The following PARD3B variants were observed in gnomAD, a reference collection of about 807,000 sequenced individuals.
PARD3B encodes the protein par-3 family cell polarity regulator beta.
PARD3B carries 103 observed loss-of-function variants against 130.2 expected under a neutral mutation model. That is an observed-to-expected ratio of 0.79 (90% CI 0.67 to 0.93). The LOEUF is 0.93. Among genes scored for constraint, PARD3B ranks in the 40% least tolerant of loss-of-function variants. The probability of loss-of-function intolerance (pLI) is 0.00; values close to 1 mark genes in which losing one functional copy is unlikely to be tolerated. For missense variants in PARD3B, 1,609 were observed against 1,499.2 expected, an observed-to-expected ratio of 1.07 and a Z score of -1.21; for synonymous variants, 583 against 553.2, an observed-to-expected ratio of 1.05 and a Z score of -0.76.
chr2:204,636,288 G>T (rs1340458420), intron 1 of PARD3B, among the ~76,000 whole-genome samples: 1 of 151,968 alleles, frequency 6.6e-6, no homozygotes, highest in African/African-American at 2.4e-5. Flanking sequence ...CCTTTGATGG[G>T]ACCTAATTTC....
intron 10 of PARD3B, among the ~76,000 whole-genome samples, chr2:205,138,364 T>C (rs1349770655): frequency 1.3e-5 from 2 of 152,174 alleles, no homozygotes; most frequent in South Asian, 2.1e-4. Flanking sequence ...TTCTCTCTTA[T>C]GCTGGACACC....
intron 10 of PARD3B, among the ~76,000 whole-genome samples, chr2:205,132,736 T>G (rs1234745489): frequency 6.6e-6 from 1 of 152,208 alleles, no homozygotes; most frequent in Non-Finnish European, 1.5e-5. Context: ...CTTTGCAATT[T>G]CATTTAGCCT....
intron 2 of PARD3B, among the ~76,000 whole-genome samples, chr2:204,761,946 A>G (rs575965364): frequency 4.3e-4 from 66 of 152,122 alleles, no homozygotes; most frequent in African/African-American, 1.5e-3. Context: ...TCAATTTCAA[A>G]AATCAGCTTT....
At chr2:204,885,314 T>G (rs1271976409) in intron 2 of PARD3B, among the ~76,000 whole-genome samples, 1 of 152,242 alleles carries the variant, frequency 6.6e-6, no homozygotes, top group Non-Finnish European at 1.5e-5. Context: ...TGCCCACTTT[T>G]TAATGGGGTT....
chr2:205,272,076 T>G lies in PARD3B; in HGVS notation c.2185+26254T>G, dbSNP rs576766836. 3.7e-3 allele frequency among the ~76,000 whole-genome samples: 564 copies of G among 151,754 alleles called. 2 individuals are homozygous for G. Among genetic ancestry groups the G allele is most frequent in the African/African-American group, 0.013 (534 of 41,342 alleles). On this transcript the variant is annotated intron_variant, in intron 16 of 22. Coordinates refer to ENST00000406610, the MANE Select transcript of PARD3B (RefSeq NM_001302769.2). ...AGGAGGCTGAGGCAGGAGAATCGTT[T>G]GAACCCGGGAGGCAGAGTTTCCAGT... is the stretch of plus-strand genomic sequence containing the variant.
chr2:204,662,050 A>G (rs893733113), intron 1 of PARD3B, among the ~76,000 whole-genome samples: 2 of 152,224 alleles, frequency 1.3e-5, no homozygotes, highest in African/African-American at 4.8e-5. Context: ...AAATGAAACA[A>G]TATCAATGAA....
chr2:204,563,575 G>T (rs997764278), intron 1 of PARD3B, among the ~76,000 whole-genome samples: 2 of 151,636 alleles, frequency 1.3e-5, no homozygotes, highest in Admixed American at 6.6e-5. Flanking sequence ...TTATATTTTT[G>T]CTCCAAAATA....
intron 1 of PARD3B, among the ~76,000 whole-genome samples, chr2:204,663,736 G>A (rs1291779834): frequency 1.3e-5 from 2 of 152,134 alleles, no homozygotes; most frequent in East Asian, 1.9e-4. Flanking sequence ...GATTAATCTC[G>A]TTTTGTAGAT....
chr2:204,826,122 C>G (rs2043561094), intron 2 of PARD3B, among the ~76,000 whole-genome samples: 1 of 152,150 alleles, frequency 6.6e-6, no homozygotes, highest in African/African-American at 2.4e-5. Flanking sequence ...AGAGGAGCCT[C>G]TGAAATTACC....
chr2:204,999,712 A>G (rs188734090), intron 3 of PARD3B, among the ~76,000 whole-genome samples: 6 of 152,336 alleles, frequency 3.9e-5, no homozygotes, highest in African/African-American at 1.4e-4. Context: ...GTACTCTCAG[A>G]TGAAGAACAG....
intron 2 of PARD3B, among the ~76,000 whole-genome samples, chr2:204,917,645 A>C (rs1455016285): frequency 3.9e-5 from 6 of 152,246 alleles, no homozygotes; most frequent in Admixed American, 3.9e-4. Flanking sequence ...TTTGTAATTT[A>C]GGAATAGAAT....
chr2:205,040,538 G>C (rs888737991), intron 3 of PARD3B, among the ~76,000 whole-genome samples: 2 of 152,154 alleles, frequency 1.3e-5, no homozygotes, highest in Admixed American at 1.3e-4. Context: ...TCCAGGTGCT[G>C]ACTAGTTGCA....
At chr2:204,868,977 A>G (rs1402793716) in intron 2 of PARD3B, among the ~76,000 whole-genome samples, 4 of 152,216 alleles carry the variant, frequency 2.6e-5, no homozygotes, top group African/African-American at 9.6e-5. Flanking sequence ...TCTGAAATAC[A>G]TGAAGTTACA....
At chr2:204,964,341 C>T (rs527455947) in intron 2 of PARD3B, among the ~76,000 whole-genome samples, 61 of 152,250 alleles carry the variant, frequency 4.0e-4, no homozygotes, top group African/African-American at 1.4e-3. Flanking sequence ...ACAGTAGTGT[C>T]TGTGTGATTA....
At chr2:204,800,537 T>A (rs1225736699) in intron 2 of PARD3B, among the ~76,000 whole-genome samples, 1 of 152,158 alleles carries the variant, frequency 6.6e-6, no homozygotes, top group Admixed American at 6.6e-5. Flanking sequence ...GAGTGTTATA[T>A]AACACCAAGC....
intron 3 of PARD3B, among the ~76,000 whole-genome samples, chr2:205,002,575 A>T (rs1694933811): frequency 6.6e-6 from 1 of 152,040 alleles, no homozygotes; most frequent in Admixed American, 6.6e-5. Flanking sequence ...CTTATCTCTG[A>T]CCACATCTAC....
At chr2:204,696,006 T>C (rs1489105542) in intron 2 of PARD3B, among the ~76,000 whole-genome samples, 1 of 152,014 alleles carries the variant, frequency 6.6e-6, no homozygotes, top group Non-Finnish European at 1.5e-5. Flanking sequence ...AGTACAAGGA[T>C]AGTTGTTCAG....
chr2:205,063,849 G>T (rs376800370), intron 4 of PARD3B, among the ~76,000 whole-genome samples: 12 of 152,250 alleles, frequency 7.9e-5, no homozygotes, highest in African/African-American at 2.9e-4. Context: ...GGGTAGTAAA[G>T]CATGTAGGTA....
chr2:205,016,206 C>G (rs1029542461), intron 3 of PARD3B, among the ~76,000 whole-genome samples: 1 of 152,196 alleles, frequency 6.6e-6, no homozygotes, highest in African/African-American at 2.4e-5. Context: ...AAAGTATTCT[C>G]TAAGTCAGAT....
Sources: gnomAD v4.1 joint callset for allele counts (sites outside exome capture counted in the v4.1 genomes callset) on GRCh38, gnomAD v4.1.1 for gene constraint, MANE v1.5 for transcripts, NCBI Gene and HGNC (gene_info 2026-07-23, HGNC 2026-07-21) for gene names.